The following AGAP1 variants were observed in gnomAD, a reference collection of about 807,000 sequenced individuals.
The protein encoded by AGAP1 is arf-GAP with GTPase, ANK repeat and PH domain-containing protein 1.
Under a neutral mutation model 105.3 loss-of-function variants are expected in AGAP1, and 29 were observed. The ratio of observed to expected loss-of-function variants is 0.28; its 90% CI spans 0.21 to 0.38. The LOEUF is 0.38. Ranked by LOEUF, AGAP1 falls within the 10% of genes least tolerant of loss-of-function variation. AGAP1 has a pLI of 1.00. For synonymous variants in AGAP1, 509 were observed against 485.9 expected, an observed-to-expected ratio of 1.05 and a Z score of -0.63; for missense variants, 998 against 1,165.1, an observed-to-expected ratio of 0.86 and a Z score of 2.09.
Position 235,777,840 on chromosome 2 carries a change from T to C in AGAP1, c.674-19919T>C, listed in dbSNP as rs543334434. On this transcript the variant is annotated intron_variant, in intron 6 of 17. Transcript: ENST00000304032. The surrounding 1 kb of genome is among the most constrained non-coding windows in gnomAD (Gnocchi z 5.1). ...AGATAGAACAAATATGGCAAAGGAC[T>C]TGTATTTATTGGATATTAGTGGGTT... Among the ~76,000 whole-genome samples the C allele has an allele frequency of 5.3e-5, 8 of 152,316 alleles. No homozygotes were observed. The South Asian group carries it at 1.7e-3, about 32-fold the overall frequency.
chr2:235,844,363 C>A lies in AGAP1; in HGVS notation c.1050+37032C>A, dbSNP rs113649924. On this transcript the variant is annotated intron_variant, in intron 9 of 17. Transcript: ENST00000304032. Reference sequence around the variant, plus strand: ...CACAGGGGCAGCCGTCCCTCACTTGCGCCCTCCTCAGCCTCAGTGGCCTCG... The same window carrying A: ...CACAGGGGCAGCCGTCCCTCACTTGAGCCCTCCTCAGCCTCAGTGGCCTCG... 5.0e-3 allele frequency among the ~76,000 whole-genome samples: 763 copies of A among 152,334 alleles called. 6 individuals carry two copies. Among genetic ancestry groups the A allele is most frequent in the African/African-American group, 0.017 (714 of 41,570 alleles).
chr2:236,036,367 G>T lies in AGAP1; in HGVS notation c.1646-194G>T, dbSNP rs1238445433. ...ATTGAAACCTGGCTAAGTCATGCTG[G>T]CCTTAGGAACCACATCTGGACTGTT... is the stretch of plus-strand genomic sequence containing the variant. On this transcript the variant is annotated intron_variant, in intron 13 of 17. Coordinates refer to ENST00000304032, the MANE Select transcript of AGAP1 (RefSeq NM_001037131.3). This position sits in a 1 kb window ranked among gnomAD's most constrained non-coding sequence, Gnocchi z 5.7. 6.6e-6 allele frequency among the ~76,000 whole-genome samples: 1 copy of T among 152,148 alleles called. No homozygotes were observed. The highest frequency in any genetic ancestry group is 1.9e-4 in the East Asian group (1 of 5,188).
intron 9 of AGAP1, among the ~76,000 whole-genome samples, chr2:235,827,200 C>T (rs1049165318): frequency 5.9e-5 from 9 of 152,208 alleles, no homozygotes; most frequent in South Asian, 2.1e-4. Context: ...ACATGCATCA[C>T]GTGTTTGAAT....
rs940875166 is a variant in AGAP1, at chr2:235,546,990, CTG to C, written c.163+52144_163+52145del. Among the ~76,000 whole-genome samples the C allele has an allele frequency of 7.9e-5, 12 of 152,222 alleles. 1 individual carries two copies. The highest frequency in any genetic ancestry group is 4.6e-4 in the Admixed American group (7 of 15,284). ...GGGACCTGCTGTGGCAGCCATAAAA[CTG>C]TGCAGAGGTGAACCACTTCAGCAGA... is the stretch of plus-strand genomic sequence containing the variant. On this transcript the variant is annotated intron_variant, in intron 1 of 17. Coordinates refer to ENST00000304032, the MANE Select transcript of AGAP1 (RefSeq NM_001037131.3).
At position 235,664,315 on chromosome 2, in the gene AGAP1, G is replaced by C. The variant is rs777944833; in HGVS notation, c.164-44864G>C. On this transcript the variant is annotated intron_variant, in intron 1 of 17. Transcript: ENST00000304032. The surrounding 1 kb of genome is among the most constrained non-coding windows in gnomAD (Gnocchi z 5.7). ...CAACCTCTGCCTCCTGGGTTCAAGC[G>C]ATTTCCCTACCTCAGCCCCCCAGGT... Among the ~76,000 whole-genome samples, 14 of 151,968 alleles carry C rather than the reference G, an allele frequency of 9.2e-5. No individual in the cohort carries two copies. Among genetic ancestry groups the C allele is most frequent in the Non-Finnish European group, 1.8e-4 (12 of 68,010 alleles).
At position 236,014,832 on chromosome 2, in the gene AGAP1, G is replaced by A. The variant is rs961116549; in HGVS notation, c.1646-21729G>A. 4 of 457,580 alleles carry A rather than the reference G, an allele frequency of 8.7e-6. No homozygotes were observed. The highest frequency in any genetic ancestry group is 2.0e-5 in the African/African-American group (1 of 48,964). The allele number at this position is 457,580 out of a possible 1,614,324, so 28.3% of individuals were successfully genotyped here. ...AAACGCAAAGCATGGAAACTAAACC[G>A]TGTTGGTAGCCTGCGAAATATATAC... On this transcript the variant is annotated intron_variant, in intron 13 of 17. Coordinates refer to ENST00000304032, the MANE Select transcript of AGAP1 (RefSeq NM_001037131.3). The surrounding 1 kb of genome is among the most constrained non-coding windows in gnomAD (Gnocchi z 6.3).
chr2:235,773,152 G>A (rs932971090), intron 6 of AGAP1, among the ~76,000 whole-genome samples: 2 of 152,204 alleles, frequency 1.3e-5, no homozygotes, highest in Admixed American at 6.5e-5. Flanking sequence ...CCGGAGCATA[G>A]GGGCTCAAGA....
At position 235,925,219 on chromosome 2, in the gene AGAP1, G is replaced by A. The variant is rs565403664; in HGVS notation, c.1325-5546G>A. Among the ~76,000 whole-genome samples the A allele has an allele frequency of 6.6e-5, 10 of 152,234 alleles. No homozygotes were observed. In the East Asian group the frequency reaches 9.6e-4, roughly 15 times the overall value. ...TAGGACCACTTGTTAGACTCACCTC[G>A]TCTACTCCAGGAAGGAGGGCATTCT... On this transcript the variant is annotated intron_variant, in intron 11 of 17. Coordinates refer to ENST00000304032, the MANE Select transcript of AGAP1 (RefSeq NM_001037131.3).
chr2:236,076,110 G>A lies in AGAP1; in HGVS notation c.2114+26829G>A, dbSNP rs1212659841. Among the ~76,000 whole-genome samples the A allele has an allele frequency of 6.6e-6, 1 of 152,194 alleles. No homozygotes were observed. Among genetic ancestry groups the A allele is most frequent in the Non-Finnish European group, 1.5e-5 (1 of 68,040 alleles). ...AGAGACACCCCTCAATCAGATCTAG[G>A]AATTGAAAGTCAGATTGGTTTCACA... On this transcript the variant is annotated intron_variant, in intron 16 of 17. Coordinates refer to ENST00000304032, the MANE Select transcript of AGAP1 (RefSeq NM_001037131.3). This position sits in a 1 kb window ranked among gnomAD's most constrained non-coding sequence, Gnocchi z 4.4.
At chr2:236,048,957 CGTT>C in intron 15 of AGAP1, 99 bp from the exon 16 acceptor site, 1 of 1,130,110 alleles carries the variant, frequency 8.8e-7, no homozygotes, top group South Asian at 1.4e-5. Flanking sequence ...GTGGTTCTGT[CGTT>C]GTGAAGTTTG....
rs1953730769 is a variant in AGAP1, at chr2:235,754,425, A to AC, written c.673+3937_673+3938insC. 7.1e-6 allele frequency among the ~76,000 whole-genome samples: 1 copy of AC among 141,660 alleles called. No individual in the cohort carries two copies. The highest frequency in any genetic ancestry group is 2.6e-4 in the East Asian group (1 of 3,806). 92.9% of individuals were successfully genotyped at this position (141,660 alleles called of 152,430 possible). On this transcript the variant is annotated intron_variant, in intron 6 of 17. Transcript: ENST00000304032. This position sits in a 1 kb window ranked among gnomAD's most constrained non-coding sequence, Gnocchi z 4.6. ...TTTCTACATAATGTTTGGCTTGTAA[A>AC]TAAAAAAAAAAAAAAAATCCAGCTG...
chr2:235,778,824 C>A (rs1402154551), intron 6 of AGAP1, among the ~76,000 whole-genome samples: 3 of 152,082 alleles, frequency 2.0e-5, no homozygotes, highest in African/African-American at 7.2e-5. Flanking sequence ...ACATCTAGAC[C>A]CTCATATTAG....
At chr2:235,513,021 C>T (rs1428705667) in intron 1 of AGAP1, among the ~76,000 whole-genome samples, 1 of 152,170 alleles carries the variant, frequency 6.6e-6, no homozygotes, top group African/African-American at 2.4e-5. Flanking sequence ...TTATCCTGAC[C>T]AGTTCATTTC....
chr2:235,759,405 G>A (rs1032601900), intron 6 of AGAP1, among the ~76,000 whole-genome samples: 53 of 151,768 alleles, frequency 3.5e-4, no homozygotes, highest in Admixed American at 1.4e-3. Flanking sequence ...TCCTGACCTC[G>A]TGATCCGCCC....
At chr2:236,097,316 G>A (rs1281076857) in intron 16 of AGAP1, among the ~76,000 whole-genome samples, 2 of 146,548 alleles carry the variant, frequency 1.4e-5, no homozygotes, top group Non-Finnish European at 3.0e-5. Context: ...GAGCAAAGGA[G>A]CACCAGATTC....
rs1444920505 is a variant in AGAP1, at chr2:236,082,639, C to T, written c.2114+33358C>T. Among the ~76,000 whole-genome samples the T allele has an allele frequency of 6.6e-6, 1 of 152,194 alleles. No individual in the cohort carries two copies. Among genetic ancestry groups the T allele is most frequent in the East Asian group, 1.9e-4 (1 of 5,196 alleles). On this transcript the variant is annotated intron_variant, in intron 16 of 17. Coordinates refer to ENST00000304032, the MANE Select transcript of AGAP1 (RefSeq NM_001037131.3). This position sits in a 1 kb window ranked among gnomAD's most constrained non-coding sequence, Gnocchi z 4.2. ...CTGTAATCCCAACACTTTGGGAGGC[C>T]AAGACGGGTGGATCACCTGAGGCCA...
At chr2:235,514,162 GCA>G (rs35684926) in intron 1 of AGAP1, among the ~76,000 whole-genome samples, 74,559 of 150,414 alleles carry the variant, frequency 0.5, 18,617 homozygotes, top group Admixed American at 0.58. Context: ...GTGCGCGCGC[GCA>G]CACACACACA....
chr2:236,043,240 C>T (rs1323760407), intron 15 of AGAP1, among the ~76,000 whole-genome samples: 2 of 152,184 alleles, frequency 1.3e-5, no homozygotes, highest in Admixed American at 6.5e-5. Context: ...AGAGTGGATG[C>T]CCTTGACTCC....
At chr2:235,894,487 C>G (rs950646552) in intron 10 of AGAP1, among the ~76,000 whole-genome samples, 1 of 152,140 alleles carries the variant, frequency 6.6e-6, no homozygotes, top group African/African-American at 2.4e-5. Context: ...TCAAGTCATA[C>G]TGCAGCTCTG....
Sources: gnomAD v4.1 joint callset for allele counts (sites outside exome capture counted in the v4.1 genomes callset) on GRCh38, gnomAD v4.1.1 for gene constraint, Gnocchi (gnomAD v3.1) non-coding constraint, MANE v1.5 for transcripts, NCBI Gene and HGNC (gene_info 2026-07-23, HGNC 2026-07-21) for gene names.